The following TCF4 variants were observed in gnomAD, a reference collection of about 807,000 sequenced individuals.
TCF4 encodes SL3-3 enhancer factor 2.
TCF4 carries 3 observed loss-of-function variants against 82.1 expected under a neutral mutation model. That is an observed-to-expected ratio of 0.04 (90% CI 0.02 to 0.09). The LOEUF is 0.09. Ranked by LOEUF, TCF4 falls within the 10% of genes least tolerant of loss-of-function variation. TCF4 has a pLI of 1.00. For missense variants in TCF4, 518 were observed against 852.7 expected (o/e 0.61, Z 4.89); for synonymous variants, 276 against 309.6 (o/e 0.89, Z 1.14).
At chr18:55,301,349 C>T (rs1028950862) in intron 8 of TCF4, among the ~76,000 whole-genome samples, 28 of 152,294 alleles carry the variant, frequency 1.8e-4, no homozygotes, top group African/African-American at 5.5e-4. Context: ...CTCGCCTCTG[C>T]ATGTATATAT....
chr18:55,393,973 C>CT (rs2093337800), intron 6 of TCF4, among the ~76,000 whole-genome samples: 1 of 152,058 alleles, frequency 6.6e-6, no homozygotes, highest in African/African-American at 2.4e-5. Context: ...GCAGATGTGT[C>CT]TCGATTATTA....
At chr18:55,294,334 A>C (rs193073631) in intron 8 of TCF4, among the ~76,000 whole-genome samples, 35 of 152,284 alleles carry the variant, frequency 2.3e-4, no homozygotes, top group African/African-American at 7.7e-4. Context: ...CCCCCGATAA[A>C]TACTACGGAC....
intron 6 of TCF4, among the ~76,000 whole-genome samples, chr18:55,361,150 C>A (rs1603345815): frequency 6.6e-6 from 1 of 152,146 alleles, no homozygotes; most frequent in East Asian, 1.9e-4. Flanking sequence ...ATCATCCAAC[C>A]TCACCTAGAA....
intron 8 of TCF4, among the ~76,000 whole-genome samples, chr18:55,293,283 G>A (rs1418451239): frequency 1.3e-5 from 2 of 152,108 alleles, no homozygotes; most frequent in African/African-American, 2.4e-5. Flanking sequence ...TAAGCAGTAA[G>A]CCTTGTTATC....
chr18:55,414,094 G>A (rs1432051773), intron 5 of TCF4, among the ~76,000 whole-genome samples: 1 of 152,190 alleles, frequency 6.6e-6, no homozygotes, highest in African/African-American at 2.4e-5. Flanking sequence ...CAACCTCATT[G>A]AAGACAAGGT....
intron 8 of TCF4, among the ~76,000 whole-genome samples, chr18:55,298,100 A>G (rs1890196882): frequency 6.6e-6 from 1 of 152,210 alleles, no homozygotes; most frequent in Admixed American, 6.5e-5. Context: ...TCTGCAAACC[A>G]AATTGATGTT....
intron 3 of TCF4, among the ~76,000 whole-genome samples, chr18:55,499,233 T>G (rs1290249381): frequency 6.6e-6 from 1 of 152,212 alleles, no homozygotes; most frequent in Non-Finnish European, 1.5e-5. Context: ...TCATCCTTAT[T>G]ACTTAGCCTT....
rs2046056549 is a variant in TCF4, at chr18:55,222,903, A to G, written c.*5132T>C. On this transcript the variant is annotated 3_prime_UTR_variant, in exon 20 of 20. Coordinates refer to ENST00000354452, the MANE Select transcript of TCF4 (RefSeq NM_001083962.2). ...GTTTACATCTGGATTAATAGTCAACAGAGGCAACCAGAAGTGGTGGGGCGG... is the reference window on the plus strand; with the variant it reads ...GTTTACATCTGGATTAATAGTCAACGGAGGCAACCAGAAGTGGTGGGGCGG... The G allele has an allele frequency of 6.5e-6, 1 of 152,690 alleles. No individual in the cohort carries two copies. Among genetic ancestry groups the G allele is most frequent in the Admixed American group, 6.5e-5 (1 of 15,288 alleles). 9.5% of individuals were successfully genotyped at this position (152,690 alleles called of 1,614,324 possible).
At chr18:55,519,782 T>G (rs1159100731) in intron 3 of TCF4, among the ~76,000 whole-genome samples, 5 of 152,194 alleles carry the variant, frequency 3.3e-5, no homozygotes. Flanking sequence ...TCTTCATTGA[T>G]GTCATGAATA....
chr18:55,264,904 A>G (rs1304468709), intron 11 of TCF4: 2 of 152,204 alleles, frequency 1.3e-5, no homozygotes, highest in African/African-American at 4.8e-5. Flanking sequence ...GAGGAACTGT[A>G]ATTTTTGTAG....
chr18:55,569,645 G>A (rs1012708544), intron 3 of TCF4, among the ~76,000 whole-genome samples: 2 of 151,866 alleles, frequency 1.3e-5, no homozygotes, highest in African/African-American at 4.8e-5. Flanking sequence ...AATAGAAACA[G>A]AAAAATAAGG....
intron 8 of TCF4, among the ~76,000 whole-genome samples, chr18:55,305,367 AAC>A (rs1320317370): frequency 1.3e-5 from 2 of 152,238 alleles, no homozygotes; most frequent in African/African-American, 4.8e-5. Context: ...TTACAGGGGG[AAC>A]ACTGTACATG....
chr18:55,539,664 C>G (rs1355907797), intron 3 of TCF4, among the ~76,000 whole-genome samples: 2 of 151,932 alleles, frequency 1.3e-5, no homozygotes, highest in African/African-American at 4.8e-5. Flanking sequence ...GGATTAGTGC[C>G]CCCAAGATCT....
At chr18:55,315,774 C>A (rs1019229244) in intron 8 of TCF4, among the ~76,000 whole-genome samples, 3 of 152,112 alleles carry the variant, frequency 2.0e-5, no homozygotes, top group African/African-American at 7.2e-5. Flanking sequence ...GTATAACTTT[C>A]AGTAGATCAC....
At chr18:55,250,475 G>T (rs888377394) in intron 15 of TCF4, among the ~76,000 whole-genome samples, 5 of 152,194 alleles carry the variant, frequency 3.3e-5, no homozygotes, top group African/African-American at 1.2e-4. Flanking sequence ...AATCTCTGGA[G>T]AGTATGCCTG....
chr18:55,422,689 G>C (rs972963488), intron 5 of TCF4, among the ~76,000 whole-genome samples: 1 of 151,948 alleles, frequency 6.6e-6, no homozygotes, highest in African/African-American at 2.4e-5. Flanking sequence ...CAAGCATTTG[G>C]GAATTGTGAG....
At chr18:55,612,358 G>A (rs184583709) in intron 2 of TCF4, among the ~76,000 whole-genome samples, 1 of 151,910 alleles carries the variant, frequency 6.6e-6, no homozygotes, top group African/African-American at 2.4e-5. Flanking sequence ...ATGAAGTGAG[G>A]TCTATCTTTT....
intron 2 of TCF4, among the ~76,000 whole-genome samples, chr18:55,623,636 T>C (rs1289760248): frequency 6.6e-6 from 1 of 152,180 alleles, no homozygotes. Flanking sequence ...ATTTGTTTGG[T>C]AGTGGATCGA....
chr18:55,588,736 G>C, upstream of TCF4: 1 of 1,268,532 alleles, frequency 7.9e-7, no homozygotes, highest in East Asian at 3.0e-5. Flanking sequence ...ACATTTTCCT[G>C]GGGAGATTTT....
Sources: allele counts gnomAD v4.1 joint callset (sites outside exome capture counted in the v4.1 genomes callset), GRCh38; gene constraint gnomAD v4.1.1; transcripts MANE v1.5; gene names NCBI Gene and HGNC (gene_info 2026-07-23, HGNC 2026-07-21).